The following TP53AIP1 variants were observed in gnomAD, a reference collection of about 807,000 sequenced individuals.
The protein encoded by TP53AIP1 is p53-regulated apoptosis-inducing protein 1.
TP53AIP1 carries 14 observed loss-of-function variants against 9.5 expected under a neutral mutation model. That is an observed-to-expected ratio of 1.47 (90% confidence interval 0.97 to 2.30). The LOEUF (loss-of-function observed/expected upper bound fraction) is 2.30, where lower values mean the gene tolerates loss of function less well. Among genes scored for constraint, TP53AIP1 ranks in the 30% most tolerant of loss-of-function variants. The pLI is 0.00. For missense variants in TP53AIP1, 153 were observed against 146.7 expected (o/e 1.04, Z -0.22); for synonymous variants, 73 against 61.2 (o/e 1.19, Z -0.90).
chr11:128,938,692 G>A (rs1333479208), intron 1 of TP53AIP1, among the ~76,000 whole-genome samples: 7 of 152,156 alleles, frequency 4.6e-5, no homozygotes, highest in Non-Finnish European at 7.3e-5. Context: ...TCCCCAGGGC[G>A]GCGGGAGCTC....
chr11:128,940,723 G>A (rs1458253877), intron 1 of TP53AIP1, among the ~76,000 whole-genome samples: 3 of 152,188 alleles, frequency 2.0e-5, no homozygotes, highest in South Asian at 4.1e-4. Flanking sequence ...TGGGACAGCT[G>A]GAATGTCAGT....
At chr11:128,941,629 C>T (rs1944944321) in intron 1 of TP53AIP1, among the ~76,000 whole-genome samples, 1 of 152,238 alleles carries the variant, frequency 6.6e-6, no homozygotes, top group Non-Finnish European at 1.5e-5. Context: ...TCTTTCTCTG[C>T]TTGCCCCGGC....
chr11:128,935,651 T>G lies in TP53AIP1; in HGVS notation c.315A>C (p.Pro105=). Residue 105 remains proline (P), a synonymous_variant, in exon 4 of 4, where the codon CCA becomes CCC. Transcript: ENST00000531399. The part of the protein sequence containing the change: ...LPGATVLRDR[P]LGSAFELSYD... Reference sequence around the variant, plus strand: ...AGCTGAGCTCAAATGCTGACCCCAGTGGCCTGTCTCTAAGCACTGTGGCTC... The same window carrying G: ...AGCTGAGCTCAAATGCTGACCCCAGGGGCCTGTCTCTAAGCACTGTGGCTC... 3 of 1,588,832 alleles carry G rather than the reference T, an allele frequency of 1.9e-6. No individual in the cohort carries two copies. Among genetic ancestry groups the G allele is most frequent in the Non-Finnish European group, 2.6e-6 (3 of 1,175,276 alleles).
chr11:128,941,180 TC>T (rs1944934855), intron 1 of TP53AIP1, among the ~76,000 whole-genome samples: 1 of 152,198 alleles, frequency 6.6e-6, no homozygotes, highest in Non-Finnish European at 1.5e-5. Context: ...GAGCTCAGCA[TC>T]CACTTTCCCT....
In TP53AIP1 at chr11:128,937,798, C is replaced by T. The variant is rs1944861187; in HGVS notation, c.21G>A (p.Ala7=). 8 of 1,612,180 alleles carry T rather than the reference C, an allele frequency of 5.0e-6. No individual in the cohort carries two copies. Among genetic ancestry groups the T allele is most frequent in the Middle Eastern group, 1.7e-4 (1 of 6,036 alleles). ...AGGAAGCTTGAGCAGATCTGAAGCT[C>T]GCCTCAGAGGAAGATCCCATCCAGG... MGSSSE[A]SFRSAQASCS... Residue 7 remains alanine, a synonymous_variant, in exon 2 of 4, where the codon GCG becomes GCA. Coordinates refer to ENST00000531399, the MANE Select transcript of TP53AIP1 (RefSeq NM_022112.3). The surrounding 1 kb of genome is among the most constrained non-coding windows in gnomAD (Gnocchi z 4.8).
chr11:128,938,083 C>A (rs1015495731), intron 1 of TP53AIP1, among the ~76,000 whole-genome samples, 189 bp from the exon 2 acceptor site: 2 of 151,756 alleles, frequency 1.3e-5, no homozygotes, highest in Non-Finnish European at 2.9e-5. Context: ...CAAACTGAAG[C>A]CATTTGTGCT....
At chr11:128,940,229 A>G (rs1050307724) in intron 1 of TP53AIP1, among the ~76,000 whole-genome samples, 3 of 152,168 alleles carry the variant, frequency 2.0e-5, no homozygotes. Flanking sequence ...ATGAGCTGGC[A>G]TTGGAAGGGA....
chr11:128,936,249 C>T, intron 3 of TP53AIP1: 2 of 1,156,846 alleles, frequency 1.7e-6, no homozygotes, highest in Non-Finnish European at 2.1e-6. Flanking sequence ...TCCTATTGTC[C>T]AGCATCCTAT....
chr11:128,941,154 C>G (rs758823172), intron 1 of TP53AIP1, among the ~76,000 whole-genome samples: 3 of 152,340 alleles, frequency 2.0e-5, no homozygotes, highest in Non-Finnish European at 2.9e-5. Flanking sequence ...ATGGGACTTG[C>G]TCCAGGGAAG....
At chr11:128,935,982 T>G (rs1467598871) in intron 3 of TP53AIP1, 3 of 1,019,918 alleles carry the variant, frequency 2.9e-6, no homozygotes, top group African/African-American at 3.4e-5. Context: ...TAGGACATAC[T>G]ACGTACAGGT....
rs1044545811 is a variant in TP53AIP1 at position 128,936,321 on chromosome 11, G to A, written c.253+217C>T. ...TTGGCTGTAGTGACCACTCTTAAGT[G>A]TACCGTTACCTTTTATTTTAATTTG... is the stretch of plus-strand genomic sequence containing the variant. On this transcript the variant is annotated intron_variant, in intron 3 of 3. Coordinates refer to ENST00000531399, the MANE Select transcript of TP53AIP1 (RefSeq NM_022112.3). 3.7e-6 allele frequency: 5 copies of A among 1,349,736 alleles called. No homozygotes were observed. In the South Asian group the frequency reaches 7.1e-5, roughly 19 times the overall value. 83.6% of individuals were successfully genotyped at this position (1,349,736 alleles called of 1,614,324 possible). A position where few individuals can be genotyped will look rare whatever the true frequency, so the allele number is the denominator to read the frequency against.
intron 3 of TP53AIP1, chr11:128,936,303 T>G: frequency 7.8e-7 from 1 of 1,286,816 alleles, no homozygotes; most frequent in Non-Finnish European, 9.8e-7. Flanking sequence ...AGCTTGGCTG[T>G]AGTGACCACT....
chr11:128,935,631 A>G lies in TP53AIP1; in HGVS notation c.335T>C (p.Leu112Pro). Reference sequence around the variant, plus strand: ...CGGTGCTTTTTTCTGATCATAGCTGAGCTCAAATGCTGACCCCAGTGGCCT... The same window carrying G: ...CGGTGCTTTTTTCTGATCATAGCTGGGCTCAAATGCTGACCCCAGTGGCCT... Reference protein sequence around the residue: ...RDRPLGSAFELSYDQKKAPLR... With the variant: ...RDRPLGSAFEPSYDQKKAPLR... Residue 112 changes from leucine (L) to proline (P), a missense_variant, in exon 4 of 4, where the codon CTC (leucine) becomes CCC (proline). Coordinates refer to ENST00000531399, the MANE Select transcript of TP53AIP1 (RefSeq NM_022112.3). 1 of 1,585,296 alleles carries G rather than the reference A, an allele frequency of 6.3e-7. No homozygotes were observed.
Position 128,937,724 on chromosome 11 carries a change from G to T in TP53AIP1, c.95C>A (p.Ser32Ter), listed in dbSNP as rs140191758. 1,836 of 1,614,030 alleles carry T rather than the reference G, an allele frequency of 1.1e-3. No individual in the cohort carries two copies. Among genetic ancestry groups the T allele is most frequent in the Non-Finnish European group, 1.5e-3 (1,750 of 1,180,036 alleles). ...QGLGRGDQNL[S>*]VMPPNGRAQT... ...AGCCCTGCCATTCGGAGGCATCACC[G>T]AGAGGTTCTGGTCTCCCCTGCCCAG... The change falls in exon 2 of 4, where the codon TCG (serine) becomes TAG (stop). Residue 32 changes from serine to a stop codon, truncating the protein, a stop_gained. Coordinates refer to ENST00000531399, the MANE Select transcript of TP53AIP1 (RefSeq NM_022112.3). LOFTEE classifies it high-confidence loss of function. This position sits in a 1 kb window ranked among gnomAD's most constrained non-coding sequence, Gnocchi z 4.8.
At chr11:128,936,295 C>G in intron 3 of TP53AIP1, 1 of 1,245,052 alleles carries the variant, frequency 8.0e-7, no homozygotes, top group Non-Finnish European at 1.0e-6. Flanking sequence ...TGTCAATTAG[C>G]TTGGCTGTAG....
At position 128,937,970 on chromosome 11, in the gene TP53AIP1, T is replaced by G. The variant is rs1944866648; in HGVS notation, c.-76-76A>C. On this transcript the variant is annotated intron_variant, in intron 1 of 3. Coordinates refer to ENST00000531399, the MANE Select transcript of TP53AIP1 (RefSeq NM_022112.3). This position sits in a 1 kb window ranked among gnomAD's most constrained non-coding sequence, Gnocchi z 4.8. ...GGCCAGCAATGATGATTTCTACTGT[T>G]AGGGTTTCAGTTGTACTTGGATCTG... 1 of 877,380 alleles carries G rather than the reference T, an allele frequency of 1.1e-6. No homozygotes were observed. The highest frequency in any genetic ancestry group is 1.8e-5 in the South Asian group (1 of 54,748). 54.3% of individuals were successfully genotyped at this position (877,380 alleles called of 1,614,324 possible). A position where few individuals can be genotyped will look rare whatever the true frequency, so the allele number is the denominator to read the frequency against.
At chr11:128,942,068 TGGCACAC>T (rs1424826937) in intron 1 of TP53AIP1, among the ~76,000 whole-genome samples, 1 of 152,170 alleles carries the variant, frequency 6.6e-6, no homozygotes, top group Non-Finnish European at 1.5e-5. Flanking sequence ...GTGGCAGTCC[TGGCACAC>T]GGTAAGCTCT....
At chr11:128,935,353 T>A, downstream of TP53AIP1, 3 of 1,416,366 alleles carry the variant, frequency 2.1e-6, no homozygotes, top group Non-Finnish European at 2.8e-6. Flanking sequence ...TAGATTGGAA[T>A]GCAAACTTCA....
At chr11:128,936,244 T>C in intron 3 of TP53AIP1, 2 of 1,140,152 alleles carry the variant, frequency 1.8e-6, no homozygotes, top group East Asian at 1.1e-4. Context: ...ATCTGTCCTA[T>C]TGTCCAGCAT....
Sources: gnomAD v4.1 joint callset for allele counts (sites outside exome capture counted in the v4.1 genomes callset) on GRCh38, gnomAD v4.1.1 for gene constraint, Gnocchi (gnomAD v3.1) non-coding constraint, MANE v1.5 for transcripts, NCBI Gene and HGNC (gene_info 2026-07-23, HGNC 2026-07-21) for gene names.